LRP1B: variants seen among roughly 807,000 people sequenced by gnomAD.
LRP1B encodes low-density lipoprotein receptor-related protein 1B.
Under a neutral mutation model 556.6 loss-of-function variants are expected in LRP1B, and 217 were observed. The observed-to-expected ratio is 0.39, with a 90% CI of 0.35 to 0.44. LRP1B has a LOEUF of 0.44. Ranked by LOEUF, LRP1B falls within the 20% of genes least tolerant of loss-of-function variation. The pLI, the probability that LRP1B is intolerant of heterozygous loss-of-function variation, is 1.00. For missense variants in LRP1B, 5,053 were observed against 5,620.8 expected (o/e 0.90, Z 3.23); for synonymous variants, 2,047 against 1,865.8 (o/e 1.10, Z -2.50).
Position 140,417,572 on chromosome 2 carries a change from A to T in LRP1B, c.10414+24932T>A, listed in dbSNP as rs557694535. Among the ~76,000 whole-genome samples the T allele has an allele frequency of 3.3e-5, 5 of 152,320 alleles. No individual in the cohort carries two copies. The East Asian group carries it at 9.7e-4, about 29-fold the overall frequency. ...TTATGTGCACTTTTGTTGCCAACCA[A>T]CACCACAGCTGCAGAACTATTCAAG... is the stretch of plus-strand genomic sequence containing the variant. On this transcript the variant is annotated intron_variant, in intron 66 of 90. Transcript: ENST00000389484.
Position 140,918,186 on chromosome 2 carries a change from TTGTGTGTGTGTGTGTG to T in LRP1B, c.3319+4763_3319+4778del, listed in dbSNP as rs61561343. On this transcript the variant is annotated intron_variant, in intron 21 of 90. Transcript: ENST00000389484. Reference sequence around the variant, plus strand: ...AATCATTCTGCTGTAGATTTCTATTTTGTGTGTGTGTGTGTGTGTGTGTGTGTGTGTGTAGAGAATG... The same window carrying T: ...AATCATTCTGCTGTAGATTTCTATTTTGTGTGTGTGTGTGTGTAGAGAATG... 9.5e-5 allele frequency among the ~76,000 whole-genome samples: 14 copies of T among 147,816 alleles called. No individual in the cohort carries two copies. In the South Asian group the frequency reaches 2.8e-3, roughly 30 times the overall value.
intron 8 of LRP1B, among the ~76,000 whole-genome samples, chr2:141,060,745 C>T (rs1699311695): frequency 6.6e-6 from 1 of 151,700 alleles, no homozygotes; most frequent in Admixed American, 6.6e-5. Context: ...AAGACTGTTT[C>T]CCCTAAAACA....
chr2:141,491,762 T>C (rs545632732), intron 2 of LRP1B, among the ~76,000 whole-genome samples: 1 of 152,266 alleles, frequency 6.6e-6, no homozygotes, highest in South Asian at 2.1e-4. Flanking sequence ...ACAAATGTGT[T>C]AGAGATTGCC....
At chr2:140,804,448 T>C (rs1690638777) in intron 32 of LRP1B, among the ~76,000 whole-genome samples, 1 of 151,000 alleles carries the variant, frequency 6.6e-6, no homozygotes, top group Non-Finnish European at 1.5e-5. Context: ...TTTTCTCTTA[T>C]TTAAGTGTAT....
intron 67 of LRP1B, 118 bp downstream of exon 67, chr2:140,385,775 A>C: frequency 1.4e-6 from 1 of 717,634 alleles, no homozygotes; most frequent in East Asian, 2.5e-5. Flanking sequence ...GAATATATGC[A>C]TAAAAATGTG....
chr2:141,118,879 C>T (rs1288925003), intron 7 of LRP1B, among the ~76,000 whole-genome samples: 1 of 151,534 alleles, frequency 6.6e-6, no homozygotes, highest in African/African-American at 2.4e-5. Flanking sequence ...ACAAACATGT[C>T]CTTTAAGTTC....
At chr2:141,557,773 A>T (rs1029887085) in intron 2 of LRP1B, among the ~76,000 whole-genome samples, 2 of 151,768 alleles carry the variant, frequency 1.3e-5, no homozygotes, top group African/African-American at 4.8e-5. Flanking sequence ...ACACATTTTT[A>T]TTTTGTTTGA....
intron 11 of LRP1B, among the ~76,000 whole-genome samples, chr2:141,025,991 T>C (rs1157597507): frequency 6.6e-6 from 1 of 152,036 alleles, no homozygotes; most frequent in Non-Finnish European, 1.5e-5. Context: ...CTAAAATTCT[T>C]TGGATAATAT....
At chr2:141,847,575 T>C (rs1043630078) in intron 1 of LRP1B, among the ~76,000 whole-genome samples, 1 of 151,482 alleles carries the variant, frequency 6.6e-6, no homozygotes, top group East Asian at 1.9e-4. Flanking sequence ...TACAAATATG[T>C]GCAACAAATG....
intron 3 of LRP1B, among the ~76,000 whole-genome samples, chr2:141,465,163 T>C (rs972017348): frequency 1.3e-5 from 2 of 151,748 alleles, no homozygotes; most frequent in Non-Finnish European, 2.9e-5. Context: ...AAAGTAGGGT[T>C]GGCTGACCAG....
intron 1 of LRP1B, among the ~76,000 whole-genome samples, chr2:141,885,478 A>AAAAC (rs138474799): frequency 4.9e-4 from 74 of 152,112 alleles, no homozygotes; most frequent in South Asian, 2.7e-3. Context: ...TTCTTTTTGT[A>AAAAC]AAACAAACAA....
At chr2:141,391,613 CA>C (rs112675054) in intron 3 of LRP1B, among the ~76,000 whole-genome samples, 20 of 149,642 alleles carry the variant, frequency 1.3e-4, no homozygotes, top group Middle Eastern at 3.2e-3. Flanking sequence ...CAGTTTTATA[CA>C]AAAAAAAATA....
chr2:140,941,732 C>T (rs745318775), intron 20 of LRP1B, among the ~76,000 whole-genome samples: 3 of 152,060 alleles, frequency 2.0e-5, no homozygotes, highest in African/African-American at 4.8e-5. Context: ...ATTGACTATA[C>T]ACAACATACA....
intron 23 of LRP1B, among the ~76,000 whole-genome samples, chr2:140,901,243 C>T (rs1694097071): frequency 1.3e-5 from 2 of 152,228 alleles, no homozygotes; most frequent in Non-Finnish European, 2.9e-5. Context: ...CCTGTGGACA[C>T]AATGACCTCA....
chr2:140,298,810 G>C (rs552487204), intron 83 of LRP1B, among the ~76,000 whole-genome samples: 2 of 152,000 alleles, frequency 1.3e-5, no homozygotes, highest in Non-Finnish European at 2.9e-5. Flanking sequence ...AGACTGTCAA[G>C]GCCTGAGTAC....
At chr2:141,316,691 T>C (rs1016220832) in intron 3 of LRP1B, among the ~76,000 whole-genome samples, 2 of 152,156 alleles carry the variant, frequency 1.3e-5, no homozygotes, top group Admixed American at 6.5e-5. Flanking sequence ...AATGAGCAAA[T>C]GGGAAAAGAT....
chr2:141,458,528 G>C (rs901157370), intron 3 of LRP1B, among the ~76,000 whole-genome samples: 2 of 152,124 alleles, frequency 1.3e-5, no homozygotes, highest in Non-Finnish European at 2.9e-5. Flanking sequence ...GCCACAATAA[G>C]TGAATACGGT....
chr2:140,704,011 G>A (rs1686739883), intron 37 of LRP1B, among the ~76,000 whole-genome samples: 1 of 152,140 alleles, frequency 6.6e-6, no homozygotes. Flanking sequence ...TTTCCTTTGG[G>A]TATATGCCCA....
intron 60 of LRP1B, among the ~76,000 whole-genome samples, chr2:140,471,928 A>G (rs998810541): frequency 1.3e-5 from 2 of 152,158 alleles, no homozygotes; most frequent in African/African-American, 2.4e-5. Context: ...ATCTTTGCAC[A>G]TGCTGTTCCC....
Sources: gnomAD v4.1 joint callset for allele counts (sites outside exome capture counted in the v4.1 genomes callset) on GRCh38, gnomAD v4.1.1 for gene constraint, MANE v1.5 for transcripts, NCBI Gene and HGNC (gene_info 2026-07-23, HGNC 2026-07-21) for gene names.